The following OSBPL9 variants were observed in gnomAD, a reference collection of about 807,000 sequenced individuals.
The protein encoded by OSBPL9 is oxysterol binding protein like 9.
In OSBPL9, 40 loss-of-function variants were observed where a neutral mutation model predicts 106.6. The observed-to-expected ratio is 0.38, with a 90% confidence interval of 0.29 to 0.49. The LOEUF (loss-of-function observed/expected upper bound fraction) is 0.49. Among genes scored for constraint, OSBPL9 ranks in the 20% least tolerant of loss-of-function variants. The pLI, the probability that OSBPL9 is intolerant of heterozygous loss-of-function variation, is 0.97. For missense variants in OSBPL9, 609 were observed against 887.2 expected (o/e 0.69, Z 3.98); for synonymous variants, 269 against 295.4 (o/e 0.91, Z 0.92).
At chr1:51,613,028 C>T (rs548961912), upstream of OSBPL9, among the ~76,000 whole-genome samples, 2 of 152,258 alleles carry the variant, frequency 1.3e-5, no homozygotes, top group East Asian at 1.9e-4. Flanking sequence ...AAGGAAACAA[C>T]GTAACTCATG....
In OSBPL9 at chr1:51,759,136, T is replaced by G. The variant is rs1190202934; in HGVS notation, c.583-1554T>G. Among the ~76,000 whole-genome samples, 4 of 151,892 alleles carry G rather than the reference T, an allele frequency of 2.6e-5. No homozygotes were observed. In the East Asian group the frequency reaches 7.7e-4, roughly 29 times the overall value. ...GTTTTTTTTTTTAATTATTACTGAT[T>G]GTTTTGGGGGTGTTTTCTCTAAGTG... On this transcript the variant is annotated intron_variant, in intron 9 of 23. Transcript: ENST00000428468.
At chr1:51,616,677 G>A (rs907775375), upstream of OSBPL9, among the ~76,000 whole-genome samples, 1 of 152,082 alleles carries the variant, frequency 6.6e-6, no homozygotes, top group Non-Finnish European at 1.5e-5. Flanking sequence ...CTGTCATGAA[G>A]GCTCTGTTGT....
chr1:51,760,873 G>C (rs191577301), intron 10 of OSBPL9, 93 bp downstream of exon 10: 1 of 1,347,546 alleles, frequency 7.4e-7, no homozygotes, highest in East Asian at 2.4e-5. Context: ...GTTTATTTTT[G>C]ATTTTCCTTG....
intron 2 of OSBPL9, among the ~76,000 whole-genome samples, chr1:51,656,723 G>T (rs560148459): frequency 6.7e-6 from 1 of 149,664 alleles, no homozygotes; most frequent in South Asian, 2.1e-4. Context: ...GCAATGGTGC[G>T]ATTATAGCTC....
chr1:51,717,859 G>A (rs530866509), intron 4 of OSBPL9, among the ~76,000 whole-genome samples: 5,180 of 152,154 alleles, frequency 0.034, 113 homozygotes, highest in Non-Finnish European at 0.053. Context: ...CCACTGCTAG[G>A]TATATATCCA....
chr1:51,755,981 C>T (rs891010691), intron 8 of OSBPL9, among the ~76,000 whole-genome samples: 1 of 152,212 alleles, frequency 6.6e-6, no homozygotes, highest in Non-Finnish European at 1.5e-5. Flanking sequence ...GCTTCTTTCA[C>T]TTAACATCAT....
intron 15 of OSBPL9, among the ~76,000 whole-genome samples, chr1:51,779,477 A>T (rs1265512126): frequency 6.6e-6 from 1 of 152,224 alleles, no homozygotes; most frequent in African/African-American, 2.4e-5. Flanking sequence ...AAACTTCTGG[A>T]CATTGGCCTA....
At chr1:51,769,730 A>G (rs1673425255) in intron 12 of OSBPL9, among the ~76,000 whole-genome samples, 1 of 152,178 alleles carries the variant, frequency 6.6e-6, no homozygotes, top group African/African-American at 2.4e-5. Flanking sequence ...TAAATTATGA[A>G]ATGGCTGAAA....
upstream of OSBPL9, among the ~76,000 whole-genome samples, chr1:51,572,838 C>A (rs1195035702): frequency 6.6e-6 from 1 of 152,188 alleles, no homozygotes; most frequent in Non-Finnish European, 1.5e-5. Flanking sequence ...TCATTCTTTT[C>A]CATCTGCTAA....
Position 51,729,717 on chromosome 1 carries a change from A to T in OSBPL9, c.318+15638A>T. ...TCTCACCTCCTACAGCAGGTGACCC[A>T]TGGCCAATCGCCAGGGGTCTCTTTG... On this transcript the variant is annotated intron_variant, in intron 4 of 23. Coordinates refer to ENST00000428468, the MANE Select transcript of OSBPL9 (RefSeq NM_024586.6). The surrounding 1 kb of genome is among the most constrained non-coding windows in gnomAD (Gnocchi z 5.1). 1 of 802,636 alleles carries T rather than the reference A, an allele frequency of 1.2e-6. No individual in the cohort carries two copies. Among genetic ancestry groups the T allele is most frequent in the Non-Finnish European group, 1.7e-6 (1 of 599,008 alleles). 49.7% of individuals were successfully genotyped at this position (802,636 alleles called of 1,614,324 possible).
chr1:51,590,562 T>G (rs1258576901), intron 1 of OSBPL9, among the ~76,000 whole-genome samples: 6 of 148,386 alleles, frequency 4.0e-5, no homozygotes, highest in Non-Finnish European at 8.9e-5. Flanking sequence ...GGAGCTTGCA[T>G]TGAGCCGAGA....
At chr1:51,528,631 GGAGGTCAAGTTGGGTTGATCGCTT>G in the OSBPL9 span, among the ~76,000 whole-genome samples, 1 of 152,088 alleles carries the variant, frequency 6.6e-6, no homozygotes, top group Non-Finnish European at 1.5e-5. Context: ...CAGCACTTTG[GGAGGTCAAGTTGGGTTGATCGCTT>G]GAGGTCAGGA....
intron 1 of OSBPL9, among the ~76,000 whole-genome samples, chr1:51,625,656 T>C (rs1644724710): frequency 6.6e-6 from 1 of 152,076 alleles, no homozygotes; most frequent in Non-Finnish European, 1.5e-5. Context: ...CCTGAGTAGC[T>C]GGGACCATAG....
chr1:51,724,275 T>A (rs1420328611), intron 4 of OSBPL9, among the ~76,000 whole-genome samples: 1 of 152,010 alleles, frequency 6.6e-6, no homozygotes, highest in Non-Finnish European at 1.5e-5. Context: ...AATATTTCAT[T>A]CCACTTTTCT....
At chr1:51,522,625 A>G in the OSBPL9 span, among the ~76,000 whole-genome samples, 3 of 152,206 alleles carry the variant, frequency 2.0e-5, no homozygotes, top group Admixed American at 6.5e-5. Flanking sequence ...AATGTAGCCA[A>G]TCGAATATAT....
intron 15 of OSBPL9, 62 bp from the exon 16 acceptor site, chr1:51,781,102 G>A: frequency 6.5e-7 from 1 of 1,527,036 alleles, no homozygotes; most frequent in South Asian, 1.2e-5. Flanking sequence ...GCTGGGGGTT[G>A]TTGCATCATC....
upstream of OSBPL9, among the ~76,000 whole-genome samples, chr1:51,615,750 A>T (rs1263582875): frequency 2.6e-5 from 4 of 151,956 alleles, no homozygotes; most frequent in Non-Finnish European, 5.9e-5. Context: ...TATCCTCCAT[A>T]TCTAAGTTTA....
In OSBPL9 at chr1:51,787,753, A is replaced by C; in HGVS notation, c.2175A>C (p.Glu725Asp). 6.2e-7 allele frequency: 1 copy of C among 1,613,586 alleles called. No individual in the cohort carries two copies. Among genetic ancestry groups the C allele is most frequent in the Non-Finnish European group, 8.5e-7 (1 of 1,179,694 alleles). ...ATGGAGAATGCTGGGTTTATGATGAACCATTACTGAAACGTCTTGGTGCTG... is the reference window on the plus strand; with the variant it reads ...ATGGAGAATGCTGGGTTTATGATGACCCATTACTGAAACGTCTTGGTGCTG... Reference protein sequence around the residue: ...HEDGECWVYDEPLLKRLGAAK... With the variant: ...HEDGECWVYDDPLLKRLGAAK... The change falls in exon 24 of 24, where the codon GAA becomes GAC. Residue 725 changes from glutamate (E) to aspartate (D), a missense_variant. By Grantham distance (45) the Glu-to-Asp change is conservative. Transcript: ENST00000428468.
chr1:51,602,251 G>A (rs1477872693), intron 2 of OSBPL9, among the ~76,000 whole-genome samples: 7 of 151,152 alleles, frequency 4.6e-5, no homozygotes, highest in African/African-American at 1.5e-4. Context: ...CTCGTGATCC[G>A]CCCGCCGCGG....
Sources: allele counts gnomAD v4.1 joint callset (sites outside exome capture counted in the v4.1 genomes callset), GRCh38; gene constraint gnomAD v4.1.1; non-coding constraint Gnocchi (gnomAD v3.1); transcripts MANE v1.5; gene names NCBI Gene and HGNC (gene_info 2026-07-23, HGNC 2026-07-21).